Variants in SRGAP3 observed in about 807,000 individuals in gnomAD.
SRGAP3 encodes SLIT-ROBO Rho GTPase-activating protein 3.
In SRGAP3, 39 loss-of-function variants were observed where a neutral mutation model predicts 121.1. The ratio of observed to expected loss-of-function variants is 0.32; its 90% CI spans 0.25 to 0.42. SRGAP3 has a LOEUF of 0.42. SRGAP3 is among the 10% of genes least tolerant of loss of function. The pLI, the probability that SRGAP3 is intolerant of heterozygous loss-of-function variation, is 1.00. For synonymous variants in SRGAP3, 601 were observed against 570.0 expected, an observed-to-expected ratio of 1.05 and a Z score of -0.77; for missense variants, 1,213 against 1,470.6, an observed-to-expected ratio of 0.82 and a Z score of 2.86.
At chr3:9,329,521 C>A (rs1955571098) in intron 2 of SRGAP3, among the ~76,000 whole-genome samples, 1 of 152,236 alleles carries the variant, frequency 6.6e-6, no homozygotes, top group African/African-American at 2.4e-5. Context: ...GGCCCCTCAT[C>A]TTTAACCCAA....
intron 1 of SRGAP3, among the ~76,000 whole-genome samples, chr3:9,345,911 T>C (rs1204890852): frequency 5.9e-5 from 9 of 152,272 alleles, no homozygotes; most frequent in African/African-American, 2.2e-4. Context: ...TATGGCCCAT[T>C]AGTCTTCTGG....
chr3:9,186,936 T>C (rs1951612401), intron 1 of SRGAP3, among the ~76,000 whole-genome samples: 1 of 152,180 alleles, frequency 6.6e-6, no homozygotes, highest in Non-Finnish European at 1.5e-5. Context: ...GTTCTTACTT[T>C]TCCTTCAGCA....
intron 3 of SRGAP3, among the ~76,000 whole-genome samples, chr3:9,100,028 G>T (rs1172704161): frequency 6.6e-6 from 1 of 152,204 alleles, no homozygotes; most frequent in Non-Finnish European, 1.5e-5. Context: ...AGTCCATGTG[G>T]GGCTGGTATA....
At chr3:9,211,059 G>C (rs1952430623) in intron 1 of SRGAP3, among the ~76,000 whole-genome samples, 1 of 152,060 alleles carries the variant, frequency 6.6e-6, no homozygotes, top group South Asian at 2.1e-4. Context: ...CTTTCTTTGT[G>C]GTTCCCTTCC....
chr3:9,012,931 C>T (rs1393931244), intron 17 of SRGAP3, among the ~76,000 whole-genome samples: 1 of 152,138 alleles, frequency 6.6e-6, no homozygotes, highest in East Asian at 1.9e-4. Flanking sequence ...AAGGAAATGG[C>T]TATCCAAGAA....
intron 21 of SRGAP3, among the ~76,000 whole-genome samples, chr3:8,986,870 C>T (rs973066311): frequency 6.6e-6 from 1 of 152,174 alleles, no homozygotes; most frequent in African/African-American, 2.4e-5. Context: ...TCAGAGAGAG[C>T]GAGCCCCCTG....
chr3:9,147,542 T>G (rs1950068340), intron 1 of SRGAP3, among the ~76,000 whole-genome samples: 1 of 151,964 alleles, frequency 6.6e-6, no homozygotes, highest in Non-Finnish European at 1.5e-5. Flanking sequence ...CCCCTAAATC[T>G]CAGCCACCTC....
chr3:8,988,534 A>C (rs1941857154), intron 21 of SRGAP3, among the ~76,000 whole-genome samples: 1 of 151,998 alleles, frequency 6.6e-6, no homozygotes, highest in South Asian at 2.1e-4. Context: ...CTGCAAACTG[A>C]GAACACATGC....
At chr3:9,237,456 C>T (rs769939144) in intron 1 of SRGAP3, among the ~76,000 whole-genome samples, 4 of 152,130 alleles carry the variant, frequency 2.6e-5, no homozygotes, top group African/African-American at 4.8e-5. Context: ...ACAAAGAAAG[C>T]GTGAAAAATA....
At chr3:9,196,852 T>G (rs929324764) in intron 1 of SRGAP3, among the ~76,000 whole-genome samples, 1 of 152,226 alleles carries the variant, frequency 6.6e-6, no homozygotes, top group Non-Finnish European at 1.5e-5. Context: ...CAGCCAAAGG[T>G]CAGGCAGCCA....
chr3:9,279,132 C>G (rs1260025391), intron 3 of SRGAP3, among the ~76,000 whole-genome samples: 1 of 152,122 alleles, frequency 6.6e-6, no homozygotes, highest in South Asian at 2.1e-4. Context: ...GGGATATATC[C>G]AATACCCTAA....
chr3:9,137,011 G>A (rs1949687585), intron 1 of SRGAP3, among the ~76,000 whole-genome samples: 1 of 152,204 alleles, frequency 6.6e-6, no homozygotes, highest in African/African-American at 2.4e-5. Context: ...ACATTTTGGA[G>A]CTGTGTGCTT....
chr3:9,353,693 A>C (rs184994823), intron 1 of SRGAP3, among the ~76,000 whole-genome samples: 1 of 152,350 alleles, frequency 6.6e-6, no homozygotes, highest in Non-Finnish European at 1.5e-5. Context: ...GACAGGACAA[A>C]GGTCCTTCGG....
intron 1 of SRGAP3, among the ~76,000 whole-genome samples, chr3:9,205,070 C>T (rs1952216860): frequency 6.6e-6 from 1 of 152,182 alleles, no homozygotes; most frequent in South Asian, 2.1e-4. Flanking sequence ...CCCTTCGGAT[C>T]CCAGACCCAG....
intron 2 of SRGAP3, among the ~76,000 whole-genome samples, chr3:9,113,544 A>C (rs932944511): frequency 3.3e-5 from 5 of 152,220 alleles, no homozygotes; most frequent in Non-Finnish European, 7.4e-5. Flanking sequence ...TCACATTTTG[A>C]GGTACTGGAG....
chr3:9,180,380 C>G (rs571693380), intron 1 of SRGAP3, among the ~76,000 whole-genome samples: 1 of 152,208 alleles, frequency 6.6e-6, no homozygotes, highest in East Asian at 1.9e-4. Flanking sequence ...GGAAGTGAGG[C>G]TAGGAGGAAG....
intron 21 of SRGAP3, among the ~76,000 whole-genome samples, chr3:8,986,228 A>G (rs1941696939): frequency 6.6e-6 from 1 of 152,184 alleles, no homozygotes; most frequent in Admixed American, 6.5e-5. Flanking sequence ...CTTCCTTGCT[A>G]TGTGACCTTA....
intron 1 of SRGAP3, among the ~76,000 whole-genome samples, chr3:9,215,530 C>T (rs529517629): frequency 2.0e-5 from 3 of 152,328 alleles, no homozygotes; most frequent in East Asian, 3.9e-4. Flanking sequence ...ATCAGGGACA[C>T]CCAGATCTCT....
rs984315401 is a variant in SRGAP3, at chr3:9,319,185, ACAGGCT to A, written n.442+6819_442+6824del. On this transcript the variant is annotated intron_variant and non_coding_transcript_variant, in intron 3 of 3. Transcript: ENST00000490889. The stretch of plus-strand genomic sequence containing the variant: ...TTCACTCCATTTTACAAATAAGAAA[ACAGGCT>A]CAGAGAGATTAAAAAGCCTTGCCTA... Among the ~76,000 whole-genome samples the A allele has an allele frequency of 8.2e-4, 125 of 152,052 alleles. 1 individual carries two copies. The highest frequency in any genetic ancestry group is 2.9e-3 in the African/African-American group (119 of 41,580).
Sources: gnomAD v4.1 joint callset for allele counts (sites outside exome capture counted in the v4.1 genomes callset) on GRCh38, gnomAD v4.1.1 for gene constraint, MANE v1.5 for transcripts, NCBI Gene and HGNC (gene_info 2026-07-23, HGNC 2026-07-21) for gene names.